Variants in DAB2IP observed in about 807,000 individuals in gnomAD.
DAB2IP encodes DAB2 interacting protein, also known as disabled homolog 2-interacting protein.
DAB2IP carries 28 observed loss-of-function variants against 107.2 expected under a neutral mutation model. The ratio of observed to expected loss-of-function variants is 0.26; its 90% confidence interval spans 0.19 to 0.36. The LOEUF is 0.36. Ranked by LOEUF, DAB2IP falls within the 10% of genes least tolerant of loss-of-function variation. The pLI is 1.00. For synonymous variants in DAB2IP, 755 were observed against 706.4 expected (o/e 1.07, Z -1.09); for missense variants, 1,400 against 1,644.7 (o/e 0.85, Z 2.57).
At position 121,699,465 on chromosome 9, in the gene DAB2IP, CCGCCGCCGCCGCCCGGTCCCCCG is replaced by C. The variant is rs1243792995; in HGVS notation, c.362+18_362+40del. 5 of 1,311,316 alleles carry C rather than the reference CCGCCGCCGCCGCCCGGTCCCCCG, an allele frequency of 3.8e-6. No homozygotes were observed. Among genetic ancestry groups the C allele is most frequent in the Admixed American group, 6.3e-5 (2 of 31,604 alleles). The allele number at this position is 1,311,316 out of a possible 1,614,324, so 81.2% of individuals were successfully genotyped here. A position where few individuals can be genotyped will look rare whatever the true frequency, so the allele number is the denominator to read the frequency against. On this transcript the variant is annotated splice_region_variant and intron_variant, in intron 3 of 15. Transcript: ENST00000408936. This position sits in a 1 kb window ranked among gnomAD's most constrained non-coding sequence, Gnocchi z 6.2. ...CCGCCGCGGACAATGAGAGGTGAGC[CCGCCGCCGCCGCCCGGTCCCCCG>C]CGCCGCCGCCCCGGGCTGCGCCCCT...
chr9:121,747,868 AAAAG>A (rs747991142), intron 3 of DAB2IP, among the ~76,000 whole-genome samples: 45 of 151,826 alleles, frequency 3.0e-4, no homozygotes, highest in East Asian at 2.1e-3. Context: ...AAAAAAAAAA[AAAAG>A]AAAGAAAGAA....
At chr9:121,758,462 C>T (rs569238837) in intron 4 of DAB2IP, among the ~76,000 whole-genome samples, 23 of 152,194 alleles carry the variant, frequency 1.5e-4, no homozygotes, top group Non-Finnish European at 2.8e-4. Flanking sequence ...TGAGGGGATT[C>T]TGGTACCTAC....
intron 1 of DAB2IP, among the ~76,000 whole-genome samples, chr9:121,601,703 C>T (rs1830687733): frequency 6.6e-6 from 1 of 152,028 alleles, no homozygotes; most frequent in Admixed American, 6.6e-5. Flanking sequence ...TAAAACAAAC[C>T]CATGAGGTTG....
intron 1 of DAB2IP, among the ~76,000 whole-genome samples, chr9:121,622,157 T>G (rs1202801593): frequency 6.6e-6 from 1 of 151,794 alleles, no homozygotes; most frequent in Non-Finnish European, 1.5e-5. Context: ...CTCGGCTAAT[T>G]TTTTGTATTT....
chr9:121,704,238 A>G (rs967983008), intron 3 of DAB2IP, among the ~76,000 whole-genome samples: 6 of 152,296 alleles, frequency 3.9e-5, no homozygotes, highest in South Asian at 4.2e-4. Flanking sequence ...TTTTTCTTAG[A>G]AAAATGTCAC....
At chr9:121,679,002 G>C (rs1828431112) in intron 2 of DAB2IP, among the ~76,000 whole-genome samples, 1 of 152,174 alleles carries the variant, frequency 6.6e-6, no homozygotes, top group Non-Finnish European at 1.5e-5. Flanking sequence ...TGAGAGGGAG[G>C]GGGCAGGTGG....
At chr9:121,680,222 C>G (rs1203677925) in intron 2 of DAB2IP, among the ~76,000 whole-genome samples, 4 of 152,174 alleles carry the variant, frequency 2.6e-5, no homozygotes, top group Non-Finnish European at 5.9e-5. Context: ...CCTCCAGTAC[C>G]AGGCCAAAGG....
chr9:121,734,424 A>G (rs2118867000), intron 3 of DAB2IP, among the ~76,000 whole-genome samples: 1 of 152,068 alleles, frequency 6.6e-6, no homozygotes, highest in South Asian at 2.1e-4. Flanking sequence ...AGGAGCCTGC[A>G]AGCGGTTATG....
At chr9:121,571,678 G>T (rs1417988369) in intron 1 of DAB2IP, among the ~76,000 whole-genome samples, 2 of 152,148 alleles carry the variant, frequency 1.3e-5, no homozygotes, top group South Asian at 2.1e-4. Flanking sequence ...GGCTGAAAGG[G>T]TTCAGCCATG....
rs115779820 is a variant in DAB2IP at position 121,677,498 on chromosome 9, C to T, written c.125-1180C>T. 6.2e-3 allele frequency among the ~76,000 whole-genome samples: 938 copies of T among 152,060 alleles called. 7 individuals carry two copies. The highest frequency in any genetic ancestry group is 0.022 in the African/African-American group (902 of 41,464). On this transcript the variant is annotated intron_variant, in intron 1 of 15. Coordinates refer to ENST00000408936, the Ensembl canonical transcript of DAB2IP. ...TTGCATCACTGCACTCCAGCCTGAGCGAAAGAGTGAGACCCTGACTCTAAA... is the reference window on the plus strand; with the variant it reads ...TTGCATCACTGCACTCCAGCCTGAGTGAAAGAGTGAGACCCTGACTCTAAA...
intron 14 of DAB2IP, among the ~76,000 whole-genome samples, chr9:121,777,092 C>A (rs1835255753): frequency 6.6e-6 from 1 of 152,140 alleles, no homozygotes; most frequent in African/African-American, 2.4e-5. Context: ...GCATCCCTAC[C>A]TTGGTGTCAG....
chr9:121,769,124 C>T (rs913549820), intron 10 of DAB2IP, among the ~76,000 whole-genome samples: 1 of 152,172 alleles, frequency 6.6e-6, no homozygotes, highest in African/African-American at 2.4e-5. Flanking sequence ...CTTCACTGAC[C>T]CCCAGCCTCA....
chr9:121,600,793 C>T (rs1027669244), intron 1 of DAB2IP, among the ~76,000 whole-genome samples: 1 of 152,168 alleles, frequency 6.6e-6, no homozygotes, highest in Non-Finnish European at 1.5e-5. Flanking sequence ...GGGCAGGTTT[C>T]CTAACCTCTC....
chr9:121,718,346 G>T (rs1830723169), intron 3 of DAB2IP, among the ~76,000 whole-genome samples: 1 of 152,178 alleles, frequency 6.6e-6, no homozygotes, highest in Admixed American at 6.5e-5. Context: ...GACTCTGCTT[G>T]CACACCCCCA....
At chr9:121,651,576 C>T (rs1406622110), upstream of DAB2IP, 2 of 886,434 alleles carry the variant, frequency 2.3e-6, no homozygotes, top group Non-Finnish European at 2.7e-6. The surrounding 1 kb of genome is among the most constrained non-coding windows in gnomAD (Gnocchi z 5.1). Flanking sequence ...CAGCCCCCGC[C>T]GCGGGGCCGG....
intron 3 of DAB2IP, among the ~76,000 whole-genome samples, chr9:121,745,258 G>A (rs1387670310): frequency 6.6e-6 from 1 of 152,174 alleles, no homozygotes; most frequent in Admixed American, 6.5e-5. Flanking sequence ...TGGTGTGGTG[G>A]GTGAGCAGGT....
chr9:121,670,527 T>TG (rs1176177173), intron 1 of DAB2IP, among the ~76,000 whole-genome samples: 1 of 152,240 alleles, frequency 6.6e-6, no homozygotes, highest in African/African-American at 2.4e-5. Flanking sequence ...TCTGTTTTCT[T>TG]GCTGGCTATC....
intron 1 of DAB2IP, among the ~76,000 whole-genome samples, chr9:121,669,795 C>T (rs1466520744): frequency 6.6e-6 from 1 of 152,174 alleles, no homozygotes; most frequent in African/African-American, 2.4e-5. Context: ...CTCACTTCAT[C>T]ATGGCCTCAG....
At chr9:121,639,990 G>A (rs1034499663) in intron 1 of DAB2IP, among the ~76,000 whole-genome samples, 1 of 152,160 alleles carries the variant, frequency 6.6e-6, no homozygotes, top group Non-Finnish European at 1.5e-5. Context: ...GGAATGTCTC[G>A]AAGTCCAAGA....
Sources: allele counts gnomAD v4.1 joint callset (sites outside exome capture counted in the v4.1 genomes callset), GRCh38; gene constraint gnomAD v4.1.1; non-coding constraint Gnocchi (gnomAD v3.1); transcripts MANE v1.5; gene names NCBI Gene and HGNC (gene_info 2026-07-23, HGNC 2026-07-21).